IPCEF1: variants seen among roughly 807,000 people sequenced by gnomAD.
IPCEF1 encodes interaction protein for cytohesin exchange factors 1.
IPCEF1 carries 31 observed loss-of-function variants against 50.9 expected under a neutral mutation model. The observed-to-expected ratio is 0.61, with a 90% CI of 0.46 to 0.82. The LOEUF (loss-of-function observed/expected upper bound fraction) is 0.82. Among genes scored for constraint, IPCEF1 ranks in the 40% least tolerant of loss-of-function variants. The pLI is 0.00. For synonymous variants in IPCEF1, 181 were observed against 192.0 expected (o/e 0.94, Z 0.47); for missense variants, 458 against 514.0 (o/e 0.89, Z 1.05).
At chr6:154,207,059 GGA>G (rs541428058) in intron 9 of IPCEF1, among the ~76,000 whole-genome samples, 41 of 152,146 alleles carry the variant, frequency 2.7e-4, no homozygotes, top group Non-Finnish European at 4.7e-4. Flanking sequence ...GTTTTTAGGA[GGA>G]GAGAGAGAGG....
At chr6:154,259,509 G>A (rs536784504) in intron 3 of IPCEF1, among the ~76,000 whole-genome samples, 161 of 152,088 alleles carry the variant, frequency 1.1e-3, no homozygotes, top group Middle Eastern at 3.4e-3. Flanking sequence ...AAAATTAGCC[G>A]GGCGTGGTGG....
chr6:154,211,217 C>T (rs1227581489), intron 9 of IPCEF1, among the ~76,000 whole-genome samples: 1 of 151,998 alleles, frequency 6.6e-6, no homozygotes. Context: ...GAGATTGAGA[C>T]CATCCTGGCT....
intron 10 of IPCEF1, among the ~76,000 whole-genome samples, chr6:154,170,644 C>T (rs1275822551): frequency 1.3e-5 from 2 of 152,142 alleles, no homozygotes; most frequent in Admixed American, 6.5e-5. Context: ...TGGCTCACAC[C>T]GTGTGCAGAC....
chr6:154,183,638 C>A (rs1430769812), intron 10 of IPCEF1, among the ~76,000 whole-genome samples: 3 of 152,166 alleles, frequency 2.0e-5, no homozygotes, highest in African/African-American at 7.2e-5. Flanking sequence ...GTGGCTTACA[C>A]CTGTAATCCC....
At position 154,168,871 on chromosome 6, in the gene IPCEF1, G is replaced by T. The variant is rs1799649017; in HGVS notation, c.911-758C>A. 6.6e-6 allele frequency among the ~76,000 whole-genome samples: 1 copy of T among 152,026 alleles called. No individual in the cohort carries two copies. Among genetic ancestry groups the T allele is most frequent in the South Asian group, 2.1e-4 (1 of 4,820 alleles). On this transcript the variant is annotated intron_variant, in intron 10 of 11. Coordinates refer to ENST00000367220, the MANE Select transcript of IPCEF1 (RefSeq NM_001130700.2). This position sits in a 1 kb window ranked among gnomAD's most constrained non-coding sequence, Gnocchi z 4.1. ...TCCGCCCACCTTGGCCTCCCAAAGT[G>T]CTGGGATTACAGGTGTGAGCCACCA...
intron 2 of IPCEF1, among the ~76,000 whole-genome samples, chr6:154,285,370 C>T (rs975505873): frequency 2.0e-5 from 3 of 152,064 alleles, no homozygotes; most frequent in Admixed American, 2.0e-4. Flanking sequence ...TGAGGAAATG[C>T]CCTATTCATT....
intron 11 of IPCEF1, among the ~76,000 whole-genome samples, chr6:154,166,667 T>C (rs1056517549): frequency 2.0e-5 from 3 of 152,110 alleles, no homozygotes; most frequent in African/African-American, 4.8e-5. Context: ...ACCGGTAGAG[T>C]CCATTCAATG....
intron 2 of IPCEF1, among the ~76,000 whole-genome samples, chr6:154,274,034 TGA>T (rs1379086843): frequency 1.3e-5 from 2 of 151,384 alleles, no homozygotes; most frequent in Admixed American, 6.6e-5. Context: ...ATTACAGGCA[TGA>T]GCCACCGTGC....
At chr6:154,270,980 G>GACAA (rs774089584) in intron 2 of IPCEF1, among the ~76,000 whole-genome samples, 2 of 151,710 alleles carry the variant, frequency 1.3e-5, no homozygotes, top group Non-Finnish European at 2.9e-5. Flanking sequence ...TGTTCCAAAA[G>GACAA]ACAAACAAAC....
At chr6:154,301,306 C>A (rs1005571985) in intron 1 of IPCEF1, among the ~76,000 whole-genome samples, 1 of 152,112 alleles carries the variant, frequency 6.6e-6, no homozygotes, top group Non-Finnish European at 1.5e-5. Context: ...ATCGTCATCT[C>A]CTGGGGCCAT....
chr6:154,248,860 GTAATA>G (rs1454172470), intron 3 of IPCEF1, among the ~76,000 whole-genome samples: 14 of 151,986 alleles, frequency 9.2e-5, no homozygotes, highest in Admixed American at 8.5e-4. Flanking sequence ...ATGAGTATGT[GTAATA>G]TAATATTATA....
chr6:154,315,638 C>A (rs1476533300), intron 1 of IPCEF1, among the ~76,000 whole-genome samples: 1 of 152,090 alleles, frequency 6.6e-6, no homozygotes, highest in Admixed American at 6.6e-5. Flanking sequence ...TTATCTTAGT[C>A]CTGTGGATCT....
intron 1 of IPCEF1, among the ~76,000 whole-genome samples, chr6:154,314,957 T>C (rs980309043): frequency 2.6e-5 from 4 of 151,610 alleles, no homozygotes; most frequent in African/African-American, 7.3e-5. Flanking sequence ...CTCAGCTCAC[T>C]GCAACCTCCG....
intron 7 of IPCEF1, among the ~76,000 whole-genome samples, chr6:154,215,637 A>C (rs1778335001): frequency 6.6e-6 from 1 of 152,108 alleles, no homozygotes; most frequent in Non-Finnish European, 1.5e-5. Flanking sequence ...AATTTAAAAA[A>C]ATAAACAAAA....
chr6:154,205,560 A>G (rs1777424474), intron 9 of IPCEF1, among the ~76,000 whole-genome samples: 1 of 152,200 alleles, frequency 6.6e-6, no homozygotes, highest in African/African-American at 2.4e-5. Context: ...ACACCACTGC[A>G]CTCTAGCCTG....
At chr6:154,252,453 G>A (rs1273824565) in intron 3 of IPCEF1, among the ~76,000 whole-genome samples, 2 of 152,192 alleles carry the variant, frequency 1.3e-5, no homozygotes, top group Admixed American at 6.5e-5. Flanking sequence ...AGGGTGGGCG[G>A]ATCACGAGAT....
chr6:154,173,074 G>A (rs1056529720), intron 10 of IPCEF1, among the ~76,000 whole-genome samples: 7 of 152,230 alleles, frequency 4.6e-5, no homozygotes, highest in African/African-American at 1.4e-4. Flanking sequence ...GCAGCTGAGG[G>A]TCCTGTCTGT....
At chr6:154,290,159 T>G (rs962844327) in intron 1 of IPCEF1, among the ~76,000 whole-genome samples, 4 of 152,078 alleles carry the variant, frequency 2.6e-5, no homozygotes. Flanking sequence ...TGGGCCCAAG[T>G]ATGTGTACTA....
At chr6:154,306,257 A>G (rs932876718) in intron 1 of IPCEF1, among the ~76,000 whole-genome samples, 4 of 152,224 alleles carry the variant, frequency 2.6e-5, no homozygotes, top group African/African-American at 9.6e-5. Context: ...TTGTCTTCTC[A>G]CTCAAGCTTG....
Sources: gnomAD v4.1 joint callset for allele counts (sites outside exome capture counted in the v4.1 genomes callset) on GRCh38, gnomAD v4.1.1 for gene constraint, Gnocchi (gnomAD v3.1) non-coding constraint, MANE v1.5 for transcripts, NCBI Gene and HGNC (gene_info 2026-07-23, HGNC 2026-07-21) for gene names.